The following SHQ1 variants were observed in gnomAD, a reference collection of about 807,000 sequenced individuals.
SHQ1 encodes the protein SHQ1, H/ACA ribonucleoprotein assembly factor.
SHQ1 carries 49 observed loss-of-function variants against 53.8 expected under a neutral mutation model. The ratio of observed to expected loss-of-function variants is 0.91; its 90% confidence interval spans 0.72 to 1.16. The LOEUF is 1.16. Among genes scored for constraint, SHQ1 ranks in the 50% most tolerant of loss-of-function variants. The probability of loss-of-function intolerance (pLI) is 0.00; values close to 1 mark genes in which losing one functional copy is unlikely to be tolerated. For missense variants in SHQ1, 738 were observed against 683.1 expected, an observed-to-expected ratio of 1.08 and a Z score of -0.90; for synonymous variants, 243 against 251.0, an observed-to-expected ratio of 0.97 and a Z score of 0.30.
rs1014908470 is a variant in SHQ1, at chr3:72,774,795, T to C, written c.1181+18121A>G. ...ACAGATAAAAGCAAAAGTAATGAAA[T>C]AGAAGACAGACAAAGAGAGGATCAA... is the stretch of plus-strand genomic sequence containing the variant. On this transcript the variant is annotated intron_variant, in intron 10 of 10. Transcript: ENST00000325599. 1.0e-3 allele frequency among the ~76,000 whole-genome samples: 157 copies of C among 152,150 alleles called. 3 individuals are homozygous for C. The highest frequency in any genetic ancestry group is 1.3e-4 in the Non-Finnish European group (9 of 68,000).
At chr3:72,846,466 T>C in intron 1 of SHQ1, 1 of 653,566 alleles carries the variant, frequency 1.5e-6, no homozygotes, top group Non-Finnish European at 2.5e-6. Context: ...CAGATAATTT[T>C]TTTGTATTTT....
downstream of SHQ1, among the ~76,000 whole-genome samples, chr3:72,745,686 A>C (rs1705246764): frequency 6.6e-6 from 1 of 152,158 alleles, no homozygotes; most frequent in Non-Finnish European, 1.5e-5. Context: ...TCAGACAATA[A>C]TAATAAACCC....
At chr3:72,753,422 T>C (rs1048078857) in intron 10 of SHQ1, 1 of 985,274 alleles carries the variant, frequency 1.0e-6, no homozygotes, top group Admixed American at 6.1e-5. Flanking sequence ...CCTGAAATGC[T>C]ATTTCTCAAA....
chr3:72,847,190 A>G (rs1161909129), intron 1 of SHQ1, among the ~76,000 whole-genome samples: 1 of 152,262 alleles, frequency 6.6e-6, no homozygotes, highest in Non-Finnish European at 1.5e-5. Flanking sequence ...GGAAAGTGCA[A>G]TAATTCAAAT....
At chr3:72,817,179 G>C in intron 7 of SHQ1, 51 bp downstream of exon 7, 2 of 1,562,514 alleles carry the variant, frequency 1.3e-6, no homozygotes, top group Non-Finnish European at 1.7e-6. Flanking sequence ...CTTTAATGCA[G>C]TTTACTCAGC....
chr3:72,833,573 A>AT (rs75651056), intron 4 of SHQ1, among the ~76,000 whole-genome samples: 31 of 149,844 alleles, frequency 2.1e-4, no homozygotes, highest in African/African-American at 7.5e-4. Context: ...AGATAGATAG[A>AT]ATTTTTACGG....
the SHQ1 span, among the ~76,000 whole-genome samples, chr3:72,732,090 G>A: frequency 6.6e-6 from 1 of 151,514 alleles, no homozygotes; most frequent in Non-Finnish European, 1.5e-5. Context: ...TTGTTTTCAT[G>A]CCACTTCAAG....
the SHQ1 span, among the ~76,000 whole-genome samples, chr3:72,739,418 A>G: frequency 6.6e-6 from 1 of 152,052 alleles, no homozygotes; most frequent in East Asian, 1.9e-4. Flanking sequence ...ACCTTGAGAG[A>G]CTCAGGCCAC....
chr3:72,836,285 A>C (rs930715797), intron 4 of SHQ1, among the ~76,000 whole-genome samples: 24 of 152,170 alleles, frequency 1.6e-4, no homozygotes, highest in South Asian at 8.3e-4. Context: ...GTCAGGAGAT[A>C]GAGATCATCC....
intron 10 of SHQ1, chr3:72,772,421 T>C: frequency 2.6e-6 from 1 of 381,082 alleles, no homozygotes. Context: ...CAAGAACTTC[T>C]GAGGAGACCA....
intron 10 of SHQ1, chr3:72,773,006 C>T: frequency 8.5e-7 from 1 of 1,177,728 alleles, no homozygotes. Flanking sequence ...AGTTCCAAAT[C>T]TGAAGAACAT....
chr3:72,842,531 C>A, intron 2 of SHQ1, 129 bp from the exon 3 acceptor site: 1 of 644,480 alleles, frequency 1.6e-6, no homozygotes, highest in Non-Finnish European at 2.5e-6. Flanking sequence ...GAGTTCAAGA[C>A]CAGCCTGGGC....
chr3:72,780,861 A>T (rs1393780163), intron 10 of SHQ1, among the ~76,000 whole-genome samples: 1 of 152,222 alleles, frequency 6.6e-6, no homozygotes, highest in Non-Finnish European at 1.5e-5. Flanking sequence ...ATGATATTAG[A>T]GGTGTATTCC....
At chr3:72,727,664 G>C in the SHQ1 span, among the ~76,000 whole-genome samples, 1 of 152,126 alleles carries the variant, frequency 6.6e-6, no homozygotes, top group Admixed American at 6.5e-5. Context: ...GGAGGGCAAC[G>C]GTACAGGTGG....
At chr3:72,748,481 A>C (rs1379211837), downstream of SHQ1, among the ~76,000 whole-genome samples, 1 of 152,034 alleles carries the variant, frequency 6.6e-6, no homozygotes. Flanking sequence ...GCTTGAGCTC[A>C]GGAGTTCAAG....
At chr3:72,765,503 C>A (rs1705701439) in intron 10 of SHQ1, among the ~76,000 whole-genome samples, 1 of 142,380 alleles carries the variant, frequency 7.0e-6, no homozygotes, top group Admixed American at 7.0e-5. Context: ...CAGCACACTG[C>A]AACCTCTGCC....
At chr3:72,788,940 C>A (rs1324290506) in intron 10 of SHQ1, among the ~76,000 whole-genome samples, 1 of 152,008 alleles carries the variant, frequency 6.6e-6, no homozygotes, top group African/African-American at 2.4e-5. Context: ...ACAAACACTG[C>A]AGAAGGTGGC....
the SHQ1 span, among the ~76,000 whole-genome samples, chr3:72,743,989 C>T: frequency 6.6e-5 from 10 of 152,150 alleles, no homozygotes; most frequent in East Asian, 3.9e-4. Flanking sequence ...GCAAGGGAAA[C>T]GGGAGAGCAA....
intron 9 of SHQ1, among the ~76,000 whole-genome samples, chr3:72,809,191 G>A (rs1041179973): frequency 3.9e-5 from 6 of 152,234 alleles, no homozygotes; most frequent in Non-Finnish European, 8.8e-5. Context: ...TCCTGCCAAA[G>A]TGAAAGGGGT....
Sources: gnomAD v4.1 joint callset for allele counts (sites outside exome capture counted in the v4.1 genomes callset) on GRCh38, gnomAD v4.1.1 for gene constraint, MANE v1.5 for transcripts, NCBI Gene and HGNC (gene_info 2026-07-23, HGNC 2026-07-21) for gene names.